The following SUPT3H variants were observed in gnomAD, a reference collection of about 807,000 sequenced individuals.
SUPT3H encodes the protein transcription initiation protein SPT3 homolog.
A neutral mutation model predicts 44.3 loss-of-function variants in SUPT3H; 44 were observed. The observed-to-expected ratio is 0.99, with a 90% CI of 0.78 to 1.28. The LOEUF (loss-of-function observed/expected upper bound fraction) is 1.28, where lower values mean the gene tolerates loss of function less well. SUPT3H is among the 50% of genes most tolerant of loss of function. The pLI, the probability that SUPT3H is intolerant of heterozygous loss-of-function variation, is 0.00. For synonymous variants in SUPT3H, 124 were observed against 125.6 expected (o/e 0.99, Z 0.09); for missense variants, 380 against 387.1 (o/e 0.98, Z 0.15).
chr6:45,137,739 A>T (rs1013793684), intron 2 of SUPT3H, among the ~76,000 whole-genome samples: 11 of 151,974 alleles, frequency 7.2e-5, no homozygotes, highest in African/African-American at 2.7e-4. Context: ...AAATAAAGAT[A>T]TAAGATTGAG....
chr6:45,092,963 T>A (rs1390318345), intron 3 of SUPT3H, among the ~76,000 whole-genome samples: 1 of 152,026 alleles, frequency 6.6e-6, no homozygotes, highest in Non-Finnish European at 1.5e-5. Flanking sequence ...ATTATCAGCA[T>A]AAATAATCTG....
At chr6:45,075,015 AATACTGTGACTGAAGTAGAC>A (rs1352558057) in intron 3 of SUPT3H, among the ~76,000 whole-genome samples, 2 of 152,036 alleles carry the variant, frequency 1.3e-5, no homozygotes, top group Non-Finnish European at 2.9e-5. Context: ...TTCTAACACA[AATACTGTGACTGAAGTAGAC>A]CATTCTTTAA....
chr6:45,091,938 G>A (rs981426358), intron 3 of SUPT3H, among the ~76,000 whole-genome samples: 5 of 151,498 alleles, frequency 3.3e-5, no homozygotes, highest in African/African-American at 4.8e-5. Flanking sequence ...ATATCAATAC[G>A]CATACTGGGC....
At chr6:44,910,508 A>G (rs984461264) in intron 10 of SUPT3H, among the ~76,000 whole-genome samples, 7 of 152,192 alleles carry the variant, frequency 4.6e-5, no homozygotes, top group African/African-American at 1.7e-4. Context: ...AATAACAACA[A>G]AATAAACCCC....
chr6:45,143,897 A>G (rs1052380135), intron 2 of SUPT3H, among the ~76,000 whole-genome samples: 3 of 152,168 alleles, frequency 2.0e-5, no homozygotes, highest in Non-Finnish European at 4.4e-5. Context: ...ACAAAAGATC[A>G]TTCAAGGTTA....
At chr6:45,367,714 C>T (rs974524257) in intron 1 of SUPT3H, among the ~76,000 whole-genome samples, 2 of 152,142 alleles carry the variant, frequency 1.3e-5, no homozygotes, top group African/African-American at 4.8e-5. Flanking sequence ...ACAGACATGC[C>T]ATTCCATGGG....
At position 45,171,713 on chromosome 6, in the gene SUPT3H, C is replaced by CTTTTTTTT. The variant is rs777154020; in HGVS notation, c.102-65715_102-65708dup. Among the ~76,000 whole-genome samples the CTTTTTTTT allele has an allele frequency of 6.8e-4, 64 of 93,478 alleles. 1 individual carries two copies. Among genetic ancestry groups the CTTTTTTTT allele is most frequent in the Admixed American group, 1.2e-3 (7 of 5,980 alleles). The allele number at this position is 93,478 out of a possible 152,430, so 61.3% of individuals were successfully genotyped here. A position where few individuals can be genotyped will look rare whatever the true frequency, so the allele number is the denominator to read the frequency against. On this transcript the variant is annotated intron_variant, in intron 2 of 10. Coordinates refer to ENST00000371459, the MANE Select transcript of SUPT3H (RefSeq NM_003599.4). ...AAGGCATTAACAAAAATTCCACTTG[C>CTTTTTTTT]TTTTTTTTTTTTTTTTTTTTTTTTG...
intron 2 of SUPT3H, among the ~76,000 whole-genome samples, chr6:45,213,869 G>A (rs1282031130): frequency 1.3e-5 from 2 of 151,620 alleles, no homozygotes; most frequent in Non-Finnish European, 2.9e-5. Context: ...TCTCGTCTGG[G>A]AATCAATTTG....
chr6:44,932,757 C>T lies in SUPT3H; in HGVS notation c.808G>A (p.Ala270Thr), dbSNP rs1311828413. 2 of 1,600,312 alleles carry T rather than the reference C, an allele frequency of 1.2e-6. No individual in the cohort carries two copies. The highest frequency in any genetic ancestry group is 1.8e-5 in the Admixed American group (1 of 56,510). Residue 270 changes from alanine (A) to threonine (T), a missense_variant, in exon 10 of 11, where the codon GCA becomes ACA. Ala to Thr is a moderately conservative substitution (Grantham distance 58). Transcript: ENST00000371459. ...IQYHNSAEST[A>T]ACGVEAHSDA... ...CTGTGAGCCTCAACACCACAGGCTG[C>T]AGTGCTCTGCGACAGAAAAACACAT... is the stretch of plus-strand genomic sequence containing the variant.
chr6:44,963,697 G>A (rs186083452), intron 6 of SUPT3H, among the ~76,000 whole-genome samples: 153 of 152,050 alleles, frequency 1.0e-3, no homozygotes, highest in Non-Finnish European at 1.7e-3. Context: ...TATGTGTTTT[G>A]AACATTACAA....
intron 10 of SUPT3H, among the ~76,000 whole-genome samples, chr6:44,926,047 A>G (rs1181392519): frequency 1.3e-5 from 2 of 152,156 alleles, no homozygotes; most frequent in African/African-American, 4.8e-5. Context: ...TTGGAAAATA[A>G]TACAGAATAG....
chr6:44,903,889 A>G (rs941870282), intron 10 of SUPT3H, among the ~76,000 whole-genome samples: 2 of 152,240 alleles, frequency 1.3e-5, no homozygotes, highest in Non-Finnish European at 2.9e-5. Flanking sequence ...ACGAAAATCA[A>G]TAAACCTAAT....
chr6:45,237,235 G>C (rs967692557), intron 2 of SUPT3H, among the ~76,000 whole-genome samples: 2 of 152,170 alleles, frequency 1.3e-5, no homozygotes, highest in Non-Finnish European at 2.9e-5. Context: ...AGATACAGGA[G>C]TGGACATTTC....
intron 1 of SUPT3H, among the ~76,000 whole-genome samples, chr6:45,368,863 G>C (rs1485200612): frequency 6.6e-6 from 1 of 151,596 alleles, no homozygotes; most frequent in African/African-American, 2.4e-5. Flanking sequence ...AATTCCAAAG[G>C]CAGGAAACAA....
intron 2 of SUPT3H, among the ~76,000 whole-genome samples, chr6:45,217,251 T>C (rs1346515785): frequency 6.6e-6 from 1 of 151,808 alleles, no homozygotes; most frequent in Non-Finnish European, 1.5e-5. Context: ...CCGAGGCAGG[T>C]GAATCACAAG....
At chr6:45,209,976 C>G (rs908630947) in intron 2 of SUPT3H, among the ~76,000 whole-genome samples, 3 of 152,134 alleles carry the variant, frequency 2.0e-5, no homozygotes, top group Admixed American at 6.6e-5. Context: ...GCAAAAAGAC[C>G]ATGACACACT....
chr6:44,994,928 GTTTT>G (rs565947320), intron 6 of SUPT3H, among the ~76,000 whole-genome samples: 1 of 144,038 alleles, frequency 6.9e-6, no homozygotes, highest in African/African-American at 2.5e-5. Flanking sequence ...GTTTGAATTG[GTTTT>G]TTTTTTTTAA....
At chr6:45,277,289 G>A (rs12205274) in intron 2 of SUPT3H, among the ~76,000 whole-genome samples, 57,399 of 151,896 alleles carry the variant, frequency 0.38, 11,528 homozygotes, top group Non-Finnish European at 0.45. Flanking sequence ...AAATATTACA[G>A]TTATTTTTCC....
intron 1 of SUPT3H, among the ~76,000 whole-genome samples, chr6:45,368,972 A>G (rs1795597092): frequency 6.6e-6 from 1 of 150,380 alleles, no homozygotes; most frequent in Admixed American, 6.8e-5. Context: ...TGATGTGAAA[A>G]ATAATACCAA....
Sources: allele counts gnomAD v4.1 joint callset (sites outside exome capture counted in the v4.1 genomes callset), GRCh38; gene constraint gnomAD v4.1.1; transcripts MANE v1.5; gene names NCBI Gene and HGNC (gene_info 2026-07-23, HGNC 2026-07-21).